ATRNL1: variants seen among roughly 807,000 people sequenced by gnomAD.
ATRNL1 encodes attractin-like protein 1.
In ATRNL1, 95 loss-of-function variants were observed where a neutral mutation model predicts 182.7. The ratio of observed to expected loss-of-function variants is 0.52; its 90% CI spans 0.44 to 0.62. The LOEUF is 0.62. Ranked by LOEUF, ATRNL1 falls within the 20% of genes least tolerant of loss-of-function variation. The pLI, the probability that ATRNL1 is intolerant of heterozygous loss-of-function variation, is 0.00. For synonymous variants in ATRNL1, 576 were observed against 568.3 expected, an observed-to-expected ratio of 1.01 and a Z score of -0.19; for missense variants, 1,471 against 1,679.5, an observed-to-expected ratio of 0.88 and a Z score of 2.17.
Position 115,936,068 on chromosome 10 carries a change from A to C in ATRNL1, c.4019-8590A>C, listed in dbSNP as rs117556074. Among the ~76,000 whole-genome samples, 195 of 152,314 alleles carry C rather than the reference A, an allele frequency of 1.3e-3. 3 individuals carry two copies. The East Asian group carries it at 0.031, about 24-fold the overall frequency. On this transcript the variant is annotated intron_variant, in intron 28 of 28. Coordinates refer to ENST00000355044, the MANE Select transcript of ATRNL1 (RefSeq NM_207303.4). ...ATCTTTCTAATAATTGTTTCCTTAC[A>C]CGGCATTTCAACCCATGGTAGACAT...
chr10:115,172,645 G>C (rs190234424), intron 8 of ATRNL1, among the ~76,000 whole-genome samples: 258 of 151,912 alleles, frequency 1.7e-3, no homozygotes, highest in Admixed American at 2.4e-3. Context: ...CCAGCTTACT[G>C]TTTCTAATGC....
chr10:115,398,308 AG>A (rs1554956115), intron 20 of ATRNL1, among the ~76,000 whole-genome samples: 5 of 151,986 alleles, frequency 3.3e-5, no homozygotes, highest in Admixed American at 3.3e-4. Flanking sequence ...GACAGTTTTC[AG>A]TCTTTTTTTG....
chr10:115,441,751 A>C (rs1846692124), intron 21 of ATRNL1, among the ~76,000 whole-genome samples: 2 of 151,894 alleles, frequency 1.3e-5, no homozygotes, highest in Admixed American at 1.3e-4. Flanking sequence ...CTTTACTCAG[A>C]CTTCCTCATT....
chr10:115,275,434 A>G (rs1209897369), intron 13 of ATRNL1, among the ~76,000 whole-genome samples: 2 of 152,176 alleles, frequency 1.3e-5, no homozygotes, highest in South Asian at 4.1e-4. Flanking sequence ...TAGGATTTCT[A>G]TATATTTTAC....
chr10:115,535,039 C>T (rs1455918715), intron 25 of ATRNL1, among the ~76,000 whole-genome samples: 3 of 151,816 alleles, frequency 2.0e-5, no homozygotes, highest in African/African-American at 4.8e-5. Flanking sequence ...CTGCCCTTAA[C>T]ATTTTTTCCT....
chr10:115,394,843 C>T, intron 20 of ATRNL1, 91 bp downstream of exon 20: 1 of 959,140 alleles, frequency 1.0e-6, no homozygotes. Flanking sequence ...TAGTGTTGTG[C>T]TAGTTAGGCA....
At chr10:115,577,309 C>T (rs1196112633) in intron 26 of ATRNL1, among the ~76,000 whole-genome samples, 2 of 151,764 alleles carry the variant, frequency 1.3e-5, no homozygotes, top group Non-Finnish European at 2.9e-5. Context: ...CTGCAGAGCT[C>T]TTTGGGTAGT....
chr10:115,421,035 A>G (rs1845626727), intron 20 of ATRNL1, among the ~76,000 whole-genome samples: 1 of 152,164 alleles, frequency 6.6e-6, no homozygotes, highest in Non-Finnish European at 1.5e-5. Context: ...AATGAGAAAC[A>G]AGATTGAATC....
chr10:115,104,499 C>G (rs1427478100), intron 1 of ATRNL1, among the ~76,000 whole-genome samples: 1 of 151,988 alleles, frequency 6.6e-6, no homozygotes, highest in Non-Finnish European at 1.5e-5. Flanking sequence ...TGGATCGTCT[C>G]TTCATGTTGT....
chr10:115,502,272 A>G (rs1034746406), intron 24 of ATRNL1, among the ~76,000 whole-genome samples: 1 of 151,400 alleles, frequency 6.6e-6, no homozygotes, highest in African/African-American at 2.5e-5. Context: ...AAGCCAAATT[A>G]TGTTTTTTTT....
chr10:115,601,397 G>A (rs1391199470), intron 26 of ATRNL1, among the ~76,000 whole-genome samples: 2 of 152,106 alleles, frequency 1.3e-5, no homozygotes, highest in African/African-American at 4.8e-5. Context: ...GACAATGTTT[G>A]CTTGTAGTTT....
At chr10:115,104,771 A>G (rs951664643) in intron 1 of ATRNL1, among the ~76,000 whole-genome samples, 1 of 152,208 alleles carries the variant, frequency 6.6e-6, no homozygotes, top group Non-Finnish European at 1.5e-5. Context: ...ATGGATATCC[A>G]GTATTCCCAG....
rs544403621 is a variant in ATRNL1, at chr10:115,643,932, T to C, written c.3796-83316T>C. On this transcript the variant is annotated intron_variant, in intron 26 of 28. Transcript: ENST00000355044. ...CAGTTTTTAAGTATAGTTAAGCATA[T>C]ACATACCAATGACATAATCTCATTT... Among the ~76,000 whole-genome samples, 5 of 152,272 alleles carry C rather than the reference T, an allele frequency of 3.3e-5. No individual in the cohort carries two copies. In the East Asian group the frequency reaches 9.7e-4, roughly 29 times the overall value.
In ATRNL1 at chr10:115,837,542, G is replaced by A. The variant is rs146498531; in HGVS notation, c.3904-10335G>A. ...CACACACACACCAGAACACCCTTAG[G>A]AGGCATTTCTAAGCATATCCATCCA... On this transcript the variant is annotated intron_variant, in intron 27 of 28. Transcript: ENST00000355044. 4.4e-3 allele frequency among the ~76,000 whole-genome samples: 657 copies of A among 147,664 alleles called. 3 individuals are homozygous for A. Among genetic ancestry groups the A allele is most frequent in the Non-Finnish European group, 7.5e-3 (501 of 67,212 alleles).
chr10:115,169,844 A>G (rs1300475927), intron 7 of ATRNL1, among the ~76,000 whole-genome samples: 1 of 152,116 alleles, frequency 6.6e-6, no homozygotes, highest in African/African-American at 2.4e-5. Flanking sequence ...TTCAGAGTAT[A>G]AGGTTTGGAC....
chr10:115,479,089 G>A (rs964424135), intron 24 of ATRNL1, among the ~76,000 whole-genome samples: 1 of 151,356 alleles, frequency 6.6e-6, no homozygotes, highest in African/African-American at 2.4e-5. Context: ...CATCATTGTT[G>A]GCAAAATTCA....
intron 18 of ATRNL1, among the ~76,000 whole-genome samples, chr10:115,328,146 A>G (rs1396710760): frequency 6.6e-6 from 1 of 152,110 alleles, no homozygotes. Context: ...GGATAATGTT[A>G]TAAAATTAAA....
chr10:115,867,970 G>T (rs1555105137), intron 28 of ATRNL1, among the ~76,000 whole-genome samples: 1 of 151,702 alleles, frequency 6.6e-6, no homozygotes. Context: ...TGCCATGTTG[G>T]TGAGGCTGGT....
chr10:115,581,270 T>A (rs1302659772), intron 26 of ATRNL1, among the ~76,000 whole-genome samples: 1 of 152,096 alleles, frequency 6.6e-6, no homozygotes, highest in African/African-American at 2.4e-5. Context: ...CCAATTAGTA[T>A]GTGCCAAGTT....
Sources: allele counts gnomAD v4.1 joint callset (sites outside exome capture counted in the v4.1 genomes callset), GRCh38; gene constraint gnomAD v4.1.1; transcripts MANE v1.5; gene names NCBI Gene and HGNC (gene_info 2026-07-23, HGNC 2026-07-21).